RNF19A: variants seen among roughly 807,000 people sequenced by gnomAD.
RNF19A encodes ring finger protein 19A, RBR E3 ubiquitin protein ligase.
A neutral mutation model predicts 75.7 loss-of-function variants in RNF19A; 32 were observed. That is an observed-to-expected ratio of 0.42 (90% confidence interval 0.32 to 0.57). The LOEUF (loss-of-function observed/expected upper bound fraction) is 0.57. Ranked by LOEUF, RNF19A falls within the 20% of genes least tolerant of loss-of-function variation. RNF19A has a pLI of 0.10. For synonymous variants in RNF19A, 335 were observed against 345.2 expected (o/e 0.97, Z 0.33); for missense variants, 782 against 1,036.3 (o/e 0.75, Z 3.37).
At chr8:100,266,989 C>A (rs549690279) in intron 5 of RNF19A, among the ~76,000 whole-genome samples, 1 of 152,230 alleles carries the variant, frequency 6.6e-6, no homozygotes, top group Admixed American at 6.5e-5. Flanking sequence ...AGAAGAAGAT[C>A]AACCTTATTC....
At chr8:100,266,964 A>G (rs1335228881) in intron 5 of RNF19A, among the ~76,000 whole-genome samples, 1 of 152,238 alleles carries the variant, frequency 6.6e-6, no homozygotes, top group Non-Finnish European at 1.5e-5. Flanking sequence ...AATATAAAAA[A>G]TTCAGCTGTT....
At chr8:100,328,634 G>A (rs1355361616) in intron 1 of RNF19A, among the ~76,000 whole-genome samples, 1 of 152,096 alleles carries the variant, frequency 6.6e-6, no homozygotes, top group Non-Finnish European at 1.5e-5. Context: ...ACCACACCCA[G>A]CTAATTTTTG....
chr8:100,304,188 C>T (rs1319325294), intron 1 of RNF19A, among the ~76,000 whole-genome samples: 1 of 152,062 alleles, frequency 6.6e-6, no homozygotes, highest in Admixed American at 6.6e-5. Context: ...TCTCGAACTC[C>T]TAACCTCAGG....
chr8:100,320,083 G>A (rs1788177), intron 1 of RNF19A, among the ~76,000 whole-genome samples: 49,267 of 146,758 alleles, frequency 0.34, 8,616 homozygotes, highest in Middle Eastern at 0.44. Flanking sequence ...TGACCCAACT[G>A]CCTCAGCCTC....
intron 3 of RNF19A, among the ~76,000 whole-genome samples, chr8:100,272,888 CAG>C (rs1820326513): frequency 6.6e-6 from 1 of 150,876 alleles, no homozygotes; most frequent in Non-Finnish European, 1.5e-5. Context: ...TTTTTGGAAA[CAG>C]GGTCTCACTC....
chr8:100,300,163 A>T (rs1821758681), intron 1 of RNF19A, among the ~76,000 whole-genome samples: 1 of 152,220 alleles, frequency 6.6e-6, no homozygotes, highest in Non-Finnish European at 1.5e-5. Context: ...GTAGTATTCA[A>T]ATTAGCTTCT....
intron 5 of RNF19A, chr8:100,268,531 G>A (rs1381237221): frequency 6.9e-6 from 2 of 288,100 alleles, no homozygotes; most frequent in African/African-American, 4.3e-5. Flanking sequence ...TATACTCAAA[G>A]TTTTATAATA....
chr8:100,285,701 C>T lies in RNF19A; in HGVS notation c.674+1800G>A, dbSNP rs150500589. Among the ~76,000 whole-genome samples, 324 of 151,928 alleles carry T rather than the reference C, an allele frequency of 2.1e-3. 1 individual carries two copies. The highest frequency in any genetic ancestry group is 3.4e-3 in the Middle Eastern group (1 of 294). ...AGGCTGGAGTATAGTGGCGCAATCA[C>T]GGCTCACTGCAGCCTCGACCTCATG... On this transcript the variant is annotated intron_variant, in intron 2 of 9. Transcript: ENST00000341084.
chr8:100,336,141 C>A, exon 1 of RNF19A: 1 of 152,476 alleles, frequency 6.6e-6, no homozygotes, highest in Non-Finnish European at 1.5e-5. Flanking sequence ...CGAAGAAATG[C>A]AGGGCATGGG....
chr8:100,265,161 A>G (rs1563834658), intron 5 of RNF19A, among the ~76,000 whole-genome samples: 1 of 152,220 alleles, frequency 6.6e-6, no homozygotes, highest in Admixed American at 6.5e-5. Context: ...CCAGCATTCT[A>G]AAGGTTTCTT....
rs1822625462 is a variant in RNF19A at position 100,332,535 on chromosome 8, GA to G, written c.-243+3572del. Among the ~76,000 whole-genome samples, 3 of 152,172 alleles carry G rather than the reference GA, an allele frequency of 2.0e-5. No homozygotes were observed. The highest frequency in any genetic ancestry group is 2.0e-4 in the Admixed American group (3 of 15,282). On this transcript the variant is annotated intron_variant, in intron 1 of 3. Coordinates refer to the RNF19A transcript ENST00000519527. This position sits in a 1 kb window ranked among gnomAD's most constrained non-coding sequence, Gnocchi z 4.8. ...TCAGGGAAGTTCTTTATAGCAGTGT[GA>G]AAACAGACTAATACAATATCTATTG...
rs552892984 is a variant in RNF19A at position 100,287,324 on chromosome 8, G to A, written c.674+177C>T. Among the ~76,000 whole-genome samples, 1 of 152,248 alleles carries A rather than the reference G, an allele frequency of 6.6e-6. No homozygotes were observed. The highest frequency in any genetic ancestry group is 1.5e-5 in the Non-Finnish European group (1 of 68,024). The stretch of plus-strand genomic sequence containing the variant: ...TAACGCAGAGACGATATAGAAATGA[G>A]TAAGATAGGATCACTGCCTTTAACA... On this transcript the variant is annotated intron_variant, in intron 2 of 9. Transcript: ENST00000341084. This position sits in a 1 kb window ranked among gnomAD's most constrained non-coding sequence, Gnocchi z 4.1.
chr8:100,317,232 C>A lies in RNF19A; in HGVS notation c.-242-3860G>T, dbSNP rs1822397805. ...CTTGGCCAGCCCAGAAAGGGGCTCTCACAGTGCAGTGGTGGGCTGAAGGGC... is the reference window on the plus strand; with the variant it reads ...CTTGGCCAGCCCAGAAAGGGGCTCTAACAGTGCAGTGGTGGGCTGAAGGGC... On this transcript the variant is annotated intron_variant, in intron 1 of 3. Coordinates refer to the RNF19A transcript ENST00000519527. The surrounding 1 kb of genome is among the most constrained non-coding windows in gnomAD (Gnocchi z 4.3). Among the ~76,000 whole-genome samples the A allele has an allele frequency of 6.6e-6, 1 of 151,618 alleles. No individual in the cohort carries two copies. The highest frequency in any genetic ancestry group is 2.4e-5 in the African/African-American group (1 of 41,338).
chr8:100,289,832 A>AT (rs1362769191), intron 1 of RNF19A, among the ~76,000 whole-genome samples: 2 of 152,226 alleles, frequency 1.3e-5, no homozygotes. Context: ...ATTAAAAGAC[A>AT]TACTTAACAA....
chr8:100,299,764 A>T (rs977688088), intron 1 of RNF19A, among the ~76,000 whole-genome samples: 1 of 150,714 alleles, frequency 6.6e-6, no homozygotes, highest in Non-Finnish European at 1.5e-5. Flanking sequence ...GTCTCAAAAT[A>T]AAAAAAAGAA....
In RNF19A at chr8:100,258,544, G is replaced by A. The variant is rs2132471106; in HGVS notation, c.*12C>T. 1 of 1,588,182 alleles carries A rather than the reference G, an allele frequency of 6.3e-7. No individual in the cohort carries two copies. Among genetic ancestry groups the A allele is most frequent in the South Asian group, 1.2e-5 (1 of 86,670 alleles). On this transcript the variant is annotated 3_prime_UTR_variant, in exon 10 of 10. Coordinates refer to ENST00000341084, the MANE Select transcript of RNF19A (RefSeq NM_183419.4). The surrounding 1 kb of genome is among the most constrained non-coding windows in gnomAD (Gnocchi z 4.3). Reference sequence around the variant, plus strand: ...GTTGTACAGTGGTAATTATTCTGCAGCATTTATGGGCCTAAATTTCAGTCT... The same window carrying A: ...GTTGTACAGTGGTAATTATTCTGCAACATTTATGGGCCTAAATTTCAGTCT...
At position 100,271,130 on chromosome 8, in the gene RNF19A, A is replaced by G. The variant is rs566014689; in HGVS notation, c.884-1117T>C. On this transcript the variant is annotated intron_variant, in intron 3 of 9. Coordinates refer to ENST00000341084, the MANE Select transcript of RNF19A (RefSeq NM_183419.4). ...TTTATCAGTTAATTCAGGTTTCCTTAGCACTTCTTCTAGGACCAAAGATGC... is the reference window on the plus strand; with the variant it reads ...TTTATCAGTTAATTCAGGTTTCCTTGGCACTTCTTCTAGGACCAAAGATGC... Among the ~76,000 whole-genome samples the G allele has an allele frequency of 2.0e-5, 3 of 149,700 alleles. No homozygotes were observed. In the South Asian group the frequency reaches 6.3e-4, roughly 32 times the overall value.
In RNF19A at chr8:100,325,351, A is replaced by C. The variant is rs1660320; in HGVS notation, c.-243+10757T>G. On this transcript the variant is annotated intron_variant, in intron 1 of 3. Coordinates refer to the RNF19A transcript ENST00000519527. This position sits in a 1 kb window ranked among gnomAD's most constrained non-coding sequence, Gnocchi z 4.3. ...AAGTAGTTACAATGTAACTGTGTAA[A>C]TTTATAAATTATAAAATTACAAAGT... Among the ~76,000 whole-genome samples, 69,767 of 152,036 alleles carry C rather than the reference A, an allele frequency of 0.46. 16,963 individuals carry two copies. The highest frequency in any genetic ancestry group is 0.64 in the African/African-American group (26,364 of 41,446).
rs766951388 is a variant in RNF19A at position 100,333,137 on chromosome 8, G to T, written c.-243+2971C>A. ...TCATAAATGGGGTGGGTTAACATGG[G>T]AGTGGGTTTGTCACAAAAGTGTGTT... On this transcript the variant is annotated intron_variant, in intron 1 of 3. Transcript: ENST00000519527. The surrounding 1 kb of genome is among the most constrained non-coding windows in gnomAD (Gnocchi z 4.7). Among the ~76,000 whole-genome samples, 6 of 152,100 alleles carry T rather than the reference G, an allele frequency of 3.9e-5. No individual in the cohort carries two copies. Among genetic ancestry groups the T allele is most frequent in the Non-Finnish European group, 8.8e-5 (6 of 68,010 alleles).
Sources: allele counts gnomAD v4.1 joint callset (sites outside exome capture counted in the v4.1 genomes callset), GRCh38; gene constraint gnomAD v4.1.1; non-coding constraint Gnocchi (gnomAD v3.1); transcripts MANE v1.5; gene names NCBI Gene and HGNC (gene_info 2026-07-23, HGNC 2026-07-21).